The following SETD2 variants were observed in gnomAD, a reference collection of about 807,000 sequenced individuals.
SETD2 encodes histone-lysine N-methyltransferase SETD2.
A neutral mutation model predicts 242.1 loss-of-function variants in SETD2; 31 were observed. The observed-to-expected ratio is 0.13, with a 90% CI of 0.10 to 0.17. The LOEUF is 0.17. SETD2 is among the 10% of genes least tolerant of loss of function. The pLI, the probability that SETD2 is intolerant of heterozygous loss-of-function variation, is 1.00. For missense variants in SETD2, 2,481 were observed against 3,046.3 expected (o/e 0.81, Z 4.37); for synonymous variants, 1,006 against 1,066.5 (o/e 0.94, Z 1.11).
At chr3:47,037,288 C>G (rs59087671) in intron 18 of SETD2, among the ~76,000 whole-genome samples, 2 of 117,510 alleles carry the variant, frequency 1.7e-5, no homozygotes, top group Non-Finnish European at 3.5e-5. Flanking sequence ...CCCTCCCCCC[C>G]ACCCCACAAC....
chr3:47,034,641 C>T (rs1423329564), intron 18 of SETD2, among the ~76,000 whole-genome samples: 1 of 152,142 alleles, frequency 6.6e-6, no homozygotes, highest in Non-Finnish European at 1.5e-5. Context: ...CCAGCCTGGG[C>T]TACAGAGTGA....
intron 12 of SETD2, among the ~76,000 whole-genome samples, chr3:47,073,257 A>G (rs986573838): frequency 1.3e-5 from 2 of 152,214 alleles, no homozygotes; most frequent in Admixed American, 6.5e-5. Context: ...AAAGCTATGG[A>G]GCCTAGAAGT....
intron 6 of SETD2, 164 bp downstream of exon 6, chr3:47,105,833 G>T: frequency 1.5e-6 from 1 of 668,758 alleles, no homozygotes; most frequent in Non-Finnish European, 2.4e-6. Context: ...AACCCAGGAG[G>T]CAGGGGTTGC....
chr3:47,016,813 C>A lies in SETD2; in HGVS notation c.*280G>T. On this transcript the variant is annotated 3_prime_UTR_variant, in exon 21 of 21. Coordinates refer to ENST00000409792, the MANE Select transcript of SETD2 (RefSeq NM_014159.7). ...CTGACAGCACCGCCAAGGAGAAGAC[C>A]CAGGTTTAAGAGTGGAGTCAGGTCT... 2.5e-6 allele frequency: 1 copy of A among 407,602 alleles called. No homozygotes were observed. The highest frequency in any genetic ancestry group is 4.4e-6 in the Non-Finnish European group (1 of 225,606). 25.2% of individuals were successfully genotyped at this position (407,602 alleles called of 1,614,324 possible).
At chr3:47,154,363 T>C (rs749527263) in intron 1 of SETD2, among the ~76,000 whole-genome samples, 1 of 151,578 alleles carries the variant, frequency 6.6e-6, no homozygotes, top group Non-Finnish European at 1.5e-5. Context: ...GAGCCGAGAT[T>C]GTGCCACTGC....
Position 47,049,562 on chromosome 3 carries a change from TG to T in SETD2, c.6964-2942del, listed in dbSNP as rs1226517335. Among the ~76,000 whole-genome samples the T allele has an allele frequency of 1.6e-4, 23 of 146,550 alleles. No individual in the cohort carries two copies. In the East Asian group the frequency reaches 4.6e-3, roughly 29 times the overall value. ...TAATTTTTTGTATTTTTAGTAGAGA[TG>T]GGGTTTCACCTTGTTAGCCAGGATG... On this transcript the variant is annotated intron_variant, in intron 15 of 20. Coordinates refer to ENST00000409792, the MANE Select transcript of SETD2 (RefSeq NM_014159.7).
At chr3:47,105,810 GGA>G (rs781392016) in intron 6 of SETD2, 185 bp downstream of exon 6, 2 of 548,062 alleles carry the variant, frequency 3.6e-6, no homozygotes, top group African/African-American at 2.0e-5. Flanking sequence ...AGCTGAGGCA[GGA>G]GAATCTCTTG....
chr3:47,037,800 A>G (rs1575669697), intron 17 of SETD2, 23 bp from the exon 18 acceptor site: 1 of 1,550,200 alleles, frequency 6.5e-7, no homozygotes, highest in Non-Finnish European at 8.9e-7. Context: ...AAAAACAGCC[A>G]TGCTGTCAGG....
At chr3:47,031,598 T>C (rs1012464673) in intron 18 of SETD2, among the ~76,000 whole-genome samples, 5 of 152,166 alleles carry the variant, frequency 3.3e-5, no homozygotes, top group African/African-American at 1.2e-4. Flanking sequence ...CATGAGAGAA[T>C]GAAGAGTGCT....
At chr3:47,073,081 T>C (rs1048448566) in intron 12 of SETD2, among the ~76,000 whole-genome samples, 1 of 144,212 alleles carries the variant, frequency 6.9e-6, no homozygotes, top group Non-Finnish European at 1.5e-5. Flanking sequence ...GCCCAGGAGG[T>C]TTGAGGTTCC....
At chr3:47,022,402 T>A (rs1398279849) in intron 18 of SETD2, among the ~76,000 whole-genome samples, 1 of 150,228 alleles carries the variant, frequency 6.7e-6, no homozygotes, top group East Asian at 2.0e-4. Flanking sequence ...ACTTGGGAGG[T>A]TGAGGTTGGA....
chr3:47,067,431 T>C (rs1481160895), intron 12 of SETD2, among the ~76,000 whole-genome samples: 1 of 146,246 alleles, frequency 6.8e-6, no homozygotes, highest in Admixed American at 6.8e-5. Context: ...TTTTTTTTTT[T>C]TGAGACAAGG....
intron 9 of SETD2, among the ~76,000 whole-genome samples, chr3:47,097,582 G>A (rs560325720): frequency 7.0e-4 from 106 of 152,286 alleles, no homozygotes; most frequent in African/African-American, 2.4e-3. Context: ...AGGATTTTCA[G>A]AGATTTGAAG....
intron 13 of SETD2, among the ~76,000 whole-genome samples, chr3:47,063,701 T>C (rs1433165974): frequency 1.3e-5 from 2 of 152,040 alleles, no homozygotes; most frequent in Non-Finnish European, 2.9e-5. Context: ...GAAGTCAATC[T>C]CGGCCGGGCA....
intron 12 of SETD2, among the ~76,000 whole-genome samples, chr3:47,068,338 T>TG (rs2040653511): frequency 6.6e-6 from 1 of 152,160 alleles, no homozygotes; most frequent in Admixed American, 6.5e-5. Flanking sequence ...AGGATCAATA[T>TG]GGACTGCACA....
Position 47,061,978 on chromosome 3 carries a change from G to GCTA in SETD2, c.6293+182_6293+184dup, listed in dbSNP as rs528375012. Among the ~76,000 whole-genome samples the GCTA allele has an allele frequency of 1.5e-3, 232 of 152,270 alleles. 2 individuals carry two copies. The highest frequency in any genetic ancestry group is 7.8e-3 in the Admixed American group (120 of 15,306). On this transcript the variant is annotated intron_variant, in intron 14 of 20. Transcript: ENST00000409792. ...GAATCAAAACCTATTAATCTTCACA[G>GCTA]CTACTACTACTGTCAACAGAGAATC... is the stretch of plus-strand genomic sequence containing the variant.
chr3:47,064,294 G>A (rs1236089471), intron 13 of SETD2, among the ~76,000 whole-genome samples: 1 of 152,146 alleles, frequency 6.6e-6, no homozygotes, highest in Non-Finnish European at 1.5e-5. Flanking sequence ...AGCCAGGTAT[G>A]AGCATTCGTC....
At chr3:47,136,134 C>T (rs2043585130) in intron 1 of SETD2, among the ~76,000 whole-genome samples, 1 of 152,134 alleles carries the variant, frequency 6.6e-6, no homozygotes, top group South Asian at 2.1e-4. Flanking sequence ...TCAGTCCTCC[C>T]CCAAGTCGTT....
intron 18 of SETD2, among the ~76,000 whole-genome samples, chr3:47,031,239 T>A (rs1015062494): frequency 2.0e-5 from 3 of 152,174 alleles, no homozygotes; most frequent in African/African-American, 7.2e-5. Flanking sequence ...TGAACCCTAA[T>A]GTAAATTATG....
Sources: gnomAD v4.1 joint callset for allele counts (sites outside exome capture counted in the v4.1 genomes callset) on GRCh38, gnomAD v4.1.1 for gene constraint, MANE v1.5 for transcripts, NCBI Gene and HGNC (gene_info 2026-07-23, HGNC 2026-07-21) for gene names.